Variants in HDAC9 observed in about 807,000 individuals in gnomAD.
HDAC9 encodes MEF-2 interacting transcription repressor (MITR) protein.
A neutral mutation model predicts 139.4 loss-of-function variants in HDAC9; 41 were observed. The ratio of observed to expected loss-of-function variants is 0.29; its 90% confidence interval spans 0.23 to 0.38. The LOEUF is 0.38. Among genes scored for constraint, HDAC9 ranks in the 10% least tolerant of loss-of-function variants. The pLI is 1.00. For missense variants in HDAC9, 1,147 were observed against 1,297.0 expected (o/e 0.88, Z 1.78); for synonymous variants, 517 against 476.2 (o/e 1.09, Z -1.12).
chr7:18,230,450 T>C (rs1793375177), intron 2 of HDAC9, among the ~76,000 whole-genome samples: 1 of 152,216 alleles, frequency 6.6e-6, no homozygotes, highest in Admixed American at 6.5e-5. Flanking sequence ...ATTCACCATG[T>C]AACCTGGTGA....
chr7:18,459,859 C>T (rs1460647921), intron 1 of HDAC9, among the ~76,000 whole-genome samples: 4 of 151,618 alleles, frequency 2.6e-5, no homozygotes, highest in Non-Finnish European at 5.9e-5. Flanking sequence ...TCAAGCTTTT[C>T]TTATATCAAG....
At chr7:18,200,894 C>T (rs1015464042) in intron 2 of HDAC9, among the ~76,000 whole-genome samples, 2 of 152,172 alleles carry the variant, frequency 1.3e-5, no homozygotes, top group East Asian at 3.9e-4. Context: ...TGGCTGACTT[C>T]AGTCTTGTGA....
At chr7:18,840,039 G>A (rs1332180864) in intron 21 of HDAC9, among the ~76,000 whole-genome samples, 3 of 152,030 alleles carry the variant, frequency 2.0e-5, no homozygotes, top group Non-Finnish European at 2.9e-5. Flanking sequence ...AGTAGTCCTT[G>A]AAATTATGCC....
At chr7:18,771,633 T>G (rs914406239) in intron 16 of HDAC9, among the ~76,000 whole-genome samples, 1 of 152,026 alleles carries the variant, frequency 6.6e-6, no homozygotes, top group African/African-American at 2.4e-5. Context: ...ACACCACATG[T>G]GTATCTTCAT....
intron 2 of HDAC9, among the ~76,000 whole-genome samples, chr7:18,580,207 A>G (rs1171613009): frequency 2.6e-5 from 4 of 152,186 alleles, no homozygotes; most frequent in African/African-American, 9.6e-5. Flanking sequence ...ATTATTATGA[A>G]CACCTACATG....
chr7:18,739,110 T>A (rs1031790828), intron 13 of HDAC9, among the ~76,000 whole-genome samples: 4 of 152,232 alleles, frequency 2.6e-5, no homozygotes, highest in African/African-American at 4.8e-5. Context: ...TTCAGCTCCA[T>A]CAGGCCATTT....
chr7:18,851,186 C>G (rs1797260478), intron 21 of HDAC9, among the ~76,000 whole-genome samples: 1 of 152,154 alleles, frequency 6.6e-6, no homozygotes. Context: ...TATCTATTCG[C>G]TCTACTTTCT....
At chr7:18,598,347 G>C (rs1448815970) in intron 6 of HDAC9, among the ~76,000 whole-genome samples, 2 of 152,076 alleles carry the variant, frequency 1.3e-5, no homozygotes, top group African/African-American at 4.8e-5. Flanking sequence ...GACTAAACTT[G>C]TCAAAGTTTA....
At chr7:18,782,683 G>A (rs1333886610) in intron 16 of HDAC9, among the ~76,000 whole-genome samples, 1 of 136,000 alleles carries the variant, frequency 7.4e-6, no homozygotes, top group African/African-American at 2.7e-5. Flanking sequence ...AGAAAGTAAT[G>A]TTAGAAGCAA....
chr7:18,994,913 C>G (rs997288422), intron 25 of HDAC9, among the ~76,000 whole-genome samples: 1 of 152,176 alleles, frequency 6.6e-6, no homozygotes, highest in African/African-American at 2.4e-5. Context: ...AAAACCACCC[C>G]TCTATTATTC....
At position 18,822,026 on chromosome 7, in the gene HDAC9, G is replaced by T. The variant is rs529131147; in HGVS notation, c.2323-7135G>T. Among the ~76,000 whole-genome samples the T allele has an allele frequency of 1.7e-4, 25 of 151,182 alleles. No individual in the cohort carries two copies. The South Asian group carries it at 1.9e-3, about 11-fold the overall frequency. ...CCTCTCCAAGTGTGCCACCCTTGCAGTTTCTCCACATGTTCACCAGCCTGG... is the reference window on the plus strand; with the variant it reads ...CCTCTCCAAGTGTGCCACCCTTGCATTTTCTCCACATGTTCACCAGCCTGG... On this transcript the variant is annotated intron_variant, in intron 17 of 25. Coordinates refer to ENST00000686413, the MANE Select transcript of HDAC9 (RefSeq NM_178425.4).
At chr7:18,981,912 G>A (rs892093827) in intron 25 of HDAC9, among the ~76,000 whole-genome samples, 14 of 151,780 alleles carry the variant, frequency 9.2e-5, no homozygotes, top group Non-Finnish European at 1.3e-4. Flanking sequence ...TAAATGACAA[G>A]TCTTTGATAA....
chr7:18,249,334 C>T (rs1293399470), intron 2 of HDAC9, among the ~76,000 whole-genome samples: 2 of 151,526 alleles, frequency 1.3e-5, no homozygotes, highest in Non-Finnish European at 2.9e-5. Context: ...GAAACCCTGT[C>T]TCTACTCAAA....
intron 12 of HDAC9, among the ~76,000 whole-genome samples, chr7:18,672,908 T>A (rs1039605607): frequency 6.6e-6 from 1 of 152,036 alleles, no homozygotes; most frequent in Non-Finnish European, 1.5e-5. Context: ...ATTTTGGTCT[T>A]GCTTTTCTGA....
intron 1 of HDAC9, among the ~76,000 whole-genome samples, chr7:18,307,651 A>G (rs1752651225): frequency 6.6e-6 from 1 of 152,058 alleles, no homozygotes; most frequent in Admixed American, 6.5e-5. Context: ...AAAAATACAA[A>G]AATTAGCCAG....
At chr7:18,566,524 C>T (rs1822412833) in intron 2 of HDAC9, among the ~76,000 whole-genome samples, 2 of 152,144 alleles carry the variant, frequency 1.3e-5, no homozygotes, top group Non-Finnish European at 1.5e-5. Flanking sequence ...CACACATACA[C>T]ACAATTTTTA....
chr7:18,158,842 T>C (rs1235847913), intron 1 of HDAC9, among the ~76,000 whole-genome samples: 1 of 152,200 alleles, frequency 6.6e-6, no homozygotes, highest in East Asian at 1.9e-4. Context: ...TGCCCTCTCT[T>C]TTTTCTGGCT....
At position 18,281,678 on chromosome 7, in the gene HDAC9, G is replaced by A. The variant is rs538088366; in HGVS notation, c.25+119329G>A. The stretch of plus-strand genomic sequence containing the variant: ...TAACCATCACCTTGTGCAGAAGTCT[G>A]TATTTTTAGCCTTTAAGCAGAGCTC... On this transcript the variant is annotated intron_variant, in intron 2 of 12. Transcript: ENST00000417496. Among the ~76,000 whole-genome samples the A allele has an allele frequency of 1.2e-4, 18 of 152,292 alleles. 1 individual carries two copies. Among genetic ancestry groups the A allele is most frequent in the African/African-American group, 3.8e-4 (16 of 41,568 alleles).
At chr7:18,917,531 G>T (rs527484788) in intron 22 of HDAC9, among the ~76,000 whole-genome samples, 1 of 151,944 alleles carries the variant, frequency 6.6e-6, no homozygotes, top group South Asian at 2.1e-4. Flanking sequence ...CGTTGTGGTG[G>T]GGGCAGCAGA....
Sources: gnomAD v4.1 joint callset for allele counts (sites outside exome capture counted in the v4.1 genomes callset) on GRCh38, gnomAD v4.1.1 for gene constraint, MANE v1.5 for transcripts, NCBI Gene and HGNC (gene_info 2026-07-23, HGNC 2026-07-21) for gene names.